The following FNDC5 variants were observed in gnomAD, a reference collection of about 807,000 sequenced individuals.
The protein encoded by FNDC5 is fibronectin type III domain-containing protein 5.
Under a neutral mutation model 24.6 loss-of-function variants are expected in FNDC5, and 10 were observed. The ratio of observed to expected loss-of-function variants is 0.41; its 90% CI spans 0.25 to 0.69. The LOEUF (loss-of-function observed/expected upper bound fraction) is 0.69. FNDC5 is among the 30% of genes least tolerant of loss of function. The pLI is 0.34. For missense variants in FNDC5, 226 were observed against 282.9 expected (o/e 0.80, Z 1.44); for synonymous variants, 90 against 110.7 (o/e 0.81, Z 1.18).
intron 5 of FNDC5, 151 bp downstream of exon 5, chr1:32,864,513 T>G: frequency 6.6e-7 from 1 of 1,510,094 alleles, no homozygotes; most frequent in Non-Finnish European, 8.8e-7. Context: ...AAAATCAACT[T>G]GCAGTGTCCC....
upstream of FNDC5, among the ~76,000 whole-genome samples, chr1:32,871,202 TAG>T (rs1641179624): frequency 1.3e-5 from 2 of 150,950 alleles, no homozygotes; most frequent in Admixed American, 1.3e-4. Context: ...TTTCCCAGGG[TAG>T]AGAGAGGACA....
intron 1 of FNDC5, among the ~76,000 whole-genome samples, chr1:32,869,866 C>G (rs565322773): frequency 2.6e-5 from 4 of 152,066 alleles, no homozygotes; most frequent in Non-Finnish European, 1.5e-5. Flanking sequence ...TGAGCAGCAC[C>G]CCTCACCCCA....
At chr1:32,871,893 G>A (rs922319349), upstream of FNDC5, among the ~76,000 whole-genome samples, 1 of 152,200 alleles carries the variant, frequency 6.6e-6, no homozygotes, top group Non-Finnish European at 1.5e-5. Flanking sequence ...CAAGGTGGAG[G>A]AGAGAGGCAT....
chr1:32,864,169 A>T lies in FNDC5; in HGVS notation c.*125T>A. ...ACAGTAAGCCAGAGGGTACAAGGAG[A>T]TGGAGGGAAGAGATGTAGAGAGGGC... On this transcript the variant is annotated 3_prime_UTR_variant, in exon 6 of 6. Coordinates refer to ENST00000373471, the MANE Select transcript of FNDC5 (RefSeq NM_153756.3). The T allele has an allele frequency of 6.3e-7, 1 of 1,598,894 alleles. No homozygotes were observed. The highest frequency in any genetic ancestry group is 8.5e-7 in the Non-Finnish European group (1 of 1,172,014).
rs572504682 is a variant in FNDC5, at chr1:32,868,749, T to C, written c.210+133A>G. 8.1e-6 allele frequency: 5 copies of C among 617,004 alleles called. No individual in the cohort carries two copies. Among genetic ancestry groups the C allele is most frequent in the Non-Finnish European group, 1.2e-5 (5 of 406,328 alleles). 38.2% of individuals were successfully genotyped at this position (617,004 alleles called of 1,614,324 possible). A position where few individuals can be genotyped will look rare whatever the true frequency, so the allele number is the denominator to read the frequency against. On this transcript the variant is annotated intron_variant, in intron 2 of 5. Transcript: ENST00000373471. The surrounding 1 kb of genome is among the most constrained non-coding windows in gnomAD (Gnocchi z 4.8). ...CCAATTTTCAGACATATGTCCAAATTGCTGTTCATCTCCCTTGCCCCAAGT... is the reference window on the plus strand; with the variant it reads ...CCAATTTTCAGACATATGTCCAAATCGCTGTTCATCTCCCTTGCCCCAAGT...
At chr1:32,871,361 G>A (rs1469970343), upstream of FNDC5, among the ~76,000 whole-genome samples, 2 of 152,186 alleles carry the variant, frequency 1.3e-5, no homozygotes, top group Non-Finnish European at 2.9e-5. Flanking sequence ...TAAGGCTGGG[G>A]TGAGCAGAGA....
upstream of FNDC5, among the ~76,000 whole-genome samples, chr1:32,871,343 G>T (rs999100679): frequency 6.6e-6 from 1 of 152,126 alleles, no homozygotes; most frequent in African/African-American, 2.4e-5. Context: ...AGAGGGGAGA[G>T]ATCACAGTAA....
At position 32,870,763 on chromosome 1, in the gene FNDC5, G is replaced by C. The variant is rs1374327740; in HGVS notation, c.-17C>G. On this transcript the variant is annotated 5_prime_UTR_variant, in exon 1 of 6. Transcript: ENST00000373471. The stretch of plus-strand genomic sequence containing the variant: ...GGGGTGTATGGTGGCTCCTCCGGCC[G>C]GCAGGCCCGGGGCGGCGCAGGGGGA... The C allele has an allele frequency of 2.3e-5, 24 of 1,064,436 alleles. No homozygotes were observed. The highest frequency in any genetic ancestry group is 1.8e-4 in the South Asian group (4 of 22,492). 65.9% of individuals were successfully genotyped at this position (1,064,436 alleles called of 1,614,324 possible). A position where few individuals can be genotyped will look rare whatever the true frequency, so the allele number is the denominator to read the frequency against.
intron 3 of FNDC5, 132 bp from the exon 4 acceptor site, chr1:32,867,974 T>C: frequency 9.6e-7 from 1 of 1,040,966 alleles, no homozygotes; most frequent in East Asian, 2.5e-5. Context: ...AATGCACTGA[T>C]GGCTACTTGG....
At chr1:32,865,007 C>T (rs894088416) in intron 4 of FNDC5, among the ~76,000 whole-genome samples, 6 of 152,148 alleles carry the variant, frequency 3.9e-5, no homozygotes, top group African/African-American at 4.8e-5. Context: ...CTACAATATG[C>T]GTCTGATCAT....
chr1:32,865,469 T>C (rs940864956), intron 4 of FNDC5, among the ~76,000 whole-genome samples: 9 of 151,456 alleles, frequency 5.9e-5, no homozygotes, highest in Non-Finnish European at 1.2e-4. Context: ...CTGGCCAACA[T>C]GGTGAAACCC....
In FNDC5 at chr1:32,863,054, C is replaced by T. The variant is rs1640994644; in HGVS notation, c.*1240G>A. Reference sequence around the variant, plus strand: ...AGCTGTGATGTGACTTTTCAGTTGTCCAAGCTAGCATTTCTGAAACTCCAA... The same window carrying T: ...AGCTGTGATGTGACTTTTCAGTTGTTCAAGCTAGCATTTCTGAAACTCCAA... On this transcript the variant is annotated 3_prime_UTR_variant, in exon 6 of 6. Transcript: ENST00000373471. 1 of 152,658 alleles carries T rather than the reference C, an allele frequency of 6.6e-6. No homozygotes were observed. Among genetic ancestry groups the T allele is most frequent in the Non-Finnish European group, 1.5e-5 (1 of 68,106 alleles). The allele number at this position is 152,658 out of a possible 1,614,324, so 9.5% of individuals were successfully genotyped here. A position where few individuals can be genotyped will look rare whatever the true frequency, so the allele number is the denominator to read the frequency against.
At chr1:32,866,887 C>G (rs893070526) in intron 4 of FNDC5, among the ~76,000 whole-genome samples, 1 of 151,884 alleles carries the variant, frequency 6.6e-6, no homozygotes, top group African/African-American at 2.4e-5. Flanking sequence ...TGAAACTTGG[C>G]CTTTACCAGC....
rs1240895544 is a variant in FNDC5, at chr1:32,868,911, C to A, written c.181G>T (p.Val61Phe). ...TGGGAGATGGCAAATCCGATGACAA[C>A]CTCATCCTCCAGAACATCCCAGCTC... The change falls in exon 2 of 6, where the codon GTT becomes TTT. Residue 61 changes from valine (V) to phenylalanine (F), a missense_variant. By Grantham distance (50) the Val-to-Phe change is conservative (BLOSUM62 -1). Coordinates refer to ENST00000373471, the MANE Select transcript of FNDC5 (RefSeq NM_153756.3). This position sits in a 1 kb window ranked among gnomAD's most constrained non-coding sequence, Gnocchi z 4.8. 1.6e-6 allele frequency: 2 copies of A among 1,239,142 alleles called. No homozygotes were observed. The highest frequency in any genetic ancestry group is 2.0e-6 in the Non-Finnish European group (2 of 991,650). The allele number at this position is 1,239,142 out of a possible 1,614,324, so 76.8% of individuals were successfully genotyped here.
chr1:32,866,064 T>G (rs745541199), intron 4 of FNDC5, among the ~76,000 whole-genome samples: 59 of 152,376 alleles, frequency 3.9e-4, no homozygotes, highest in Middle Eastern at 3.4e-3. Context: ...TTGATCTATT[T>G]TAGAAGTCTG....
At chr1:32,867,083 C>T (rs755955659) in intron 4 of FNDC5, among the ~76,000 whole-genome samples, 7 of 151,986 alleles carry the variant, frequency 4.6e-5, no homozygotes, top group Non-Finnish European at 8.8e-5. Flanking sequence ...AAAAACAAAA[C>T]CTTTGTCTCA....
chr1:32,866,440 G>A (rs901657990), intron 4 of FNDC5, among the ~76,000 whole-genome samples: 13 of 152,148 alleles, frequency 8.5e-5, no homozygotes, highest in Admixed American at 2.6e-4. Context: ...ACTCCCCCAC[G>A]TTCTACCTTC....
intron 3 of FNDC5, 100 bp from the exon 4 acceptor site, chr1:32,867,942 A>G: frequency 1.7e-6 from 2 of 1,202,040 alleles, no homozygotes; most frequent in Non-Finnish European, 2.4e-6. Flanking sequence ...ACAGGTGCCC[A>G]CACATCTAAC....
chr1:32,864,044 C>G lies in FNDC5; in HGVS notation c.*250G>C, dbSNP rs913568148. 2 of 1,411,948 alleles carry G rather than the reference C, an allele frequency of 1.4e-6. No homozygotes were observed. Among genetic ancestry groups the G allele is most frequent in the Non-Finnish European group, 1.9e-6 (2 of 1,080,090 alleles). The allele number at this position is 1,411,948 out of a possible 1,614,324, so 87.5% of individuals were successfully genotyped here. On this transcript the variant is annotated 3_prime_UTR_variant, in exon 6 of 6. Transcript: ENST00000373471. ...CCCCTGGCACCCAGTCTACCCCCAG[C>G]AGTCATCCCTCTGAGTGCAGCCTCA...
Sources: gnomAD v4.1 joint callset for allele counts (sites outside exome capture counted in the v4.1 genomes callset) on GRCh38, gnomAD v4.1.1 for gene constraint, Gnocchi (gnomAD v3.1) non-coding constraint, MANE v1.5 for transcripts, NCBI Gene and HGNC (gene_info 2026-07-23, HGNC 2026-07-21) for gene names.